ANK2: variants seen among roughly 807,000 people sequenced by gnomAD.
The protein encoded by ANK2 is ankyrin-2.
A neutral mutation model predicts 360.5 loss-of-function variants in ANK2; 83 were observed. That is an observed-to-expected ratio of 0.23 (90% CI 0.19 to 0.28). The LOEUF (loss-of-function observed/expected upper bound fraction) is 0.28, where lower values mean the gene tolerates loss of function less well. ANK2 is among the 10% of genes least tolerant of loss of function. The pLI is 1.00. For missense variants in ANK2, 4,201 were observed against 4,795.7 expected (o/e 0.88, Z 3.66); for synonymous variants, 1,740 against 1,759.5 (o/e 0.99, Z 0.28).
chr4:112,749,768 A>G, the ANK2 span, among the ~76,000 whole-genome samples: 5 of 151,836 alleles, frequency 3.3e-5, no homozygotes, highest in African/African-American at 1.2e-4. Context: ...TTGTTTTGAG[A>G]CAGAGTCTTG....
At chr4:112,710,564 G>T in the ANK2 span, among the ~76,000 whole-genome samples, 1 of 152,050 alleles carries the variant, frequency 6.6e-6, no homozygotes, top group African/African-American at 2.4e-5. Flanking sequence ...TGGGCTTGGT[G>T]GCGGGCGCCT....
the ANK2 span, among the ~76,000 whole-genome samples, chr4:112,810,740 C>T: frequency 6.6e-6 from 1 of 150,394 alleles, no homozygotes; most frequent in Admixed American, 6.6e-5. Flanking sequence ...TTAGTAGAGA[C>T]GAGGTTTCAC....
At chr4:112,830,537 A>G (rs2059475611) in intron 1 of ANK2, among the ~76,000 whole-genome samples, 1 of 152,224 alleles carries the variant, frequency 6.6e-6, no homozygotes, top group African/African-American at 2.4e-5. Flanking sequence ...GAAGATTGGT[A>G]CTTATCGGTT....
chr4:113,088,930 T>C (rs908561814), intron 1 of ANK2, among the ~76,000 whole-genome samples: 1 of 152,220 alleles, frequency 6.6e-6, no homozygotes, highest in Non-Finnish European at 1.5e-5. Flanking sequence ...TTTTGAGCCG[T>C]AGTTCTGCTC....
At chr4:113,143,586 G>C (rs1338432796) in intron 1 of ANK2, among the ~76,000 whole-genome samples, 1 of 152,188 alleles carries the variant, frequency 6.6e-6, no homozygotes, top group Non-Finnish European at 1.5e-5. Context: ...AATTCCAAAA[G>C]TGTGCGTGGG....
intron 1 of ANK2, among the ~76,000 whole-genome samples, chr4:113,106,321 G>C (rs17682179): frequency 0.17 from 25,403 of 152,132 alleles, 2,169 homozygotes; most frequent in African/African-American, 0.18. Context: ...AAAAAATTCA[G>C]ATGGGTTATT....
intron 2 of ANK2, among the ~76,000 whole-genome samples, chr4:113,193,414 A>G (rs1335656968): frequency 1.3e-5 from 2 of 152,176 alleles, no homozygotes; most frequent in African/African-American, 4.8e-5. Flanking sequence ...CCTTAATCCC[A>G]CCGCAGTGAA....
At chr4:113,132,397 A>G (rs2096102127) in intron 1 of ANK2, among the ~76,000 whole-genome samples, 1 of 152,210 alleles carries the variant, frequency 6.6e-6, no homozygotes, top group Admixed American at 6.5e-5. Flanking sequence ...CTTCAAATGT[A>G]CTTAAGGGAA....
chr4:112,848,716 A>G (rs2063922429), intron 1 of ANK2, among the ~76,000 whole-genome samples: 1 of 152,172 alleles, frequency 6.6e-6, no homozygotes, highest in African/African-American at 2.4e-5. Context: ...CCTTGAAGGT[A>G]GGAGTCTTGA....
rs1259743686 is a variant in ANK2 at position 113,205,195 on chromosome 4, C to G, written c.384+6086C>G. Among the ~76,000 whole-genome samples, 3 of 128,278 alleles carry G rather than the reference C, an allele frequency of 2.3e-5. No individual in the cohort carries two copies. The South Asian group carries it at 7.6e-4, about 33-fold the overall frequency. The allele number at this position is 128,278 out of a possible 152,430, so 84.2% of individuals were successfully genotyped here. A position where few individuals can be genotyped will look rare whatever the true frequency, so the allele number is the denominator to read the frequency against. On this transcript the variant is annotated intron_variant, in intron 4 of 45. Transcript: ENST00000357077. ...AGCTTGCAGTGAGCCGACATCACGC[C>G]ACTGCACTCCAGTCTGGGCGACAGA...
At chr4:113,182,917 T>A (rs1038127497) in intron 2 of ANK2, among the ~76,000 whole-genome samples, 3 of 152,310 alleles carry the variant, frequency 2.0e-5, no homozygotes, top group South Asian at 2.1e-4. Context: ...TAGCTTTGTT[T>A]TGTTGATGGA....
the ANK2 span, among the ~76,000 whole-genome samples, chr4:112,751,817 A>T: frequency 6.6e-6 from 1 of 152,060 alleles, no homozygotes; most frequent in African/African-American, 2.4e-5. Context: ...AGTGGGGGAA[A>T]ATTTTGGACC....
rs1449307923 is a variant in ANK2 at position 113,348,320 on chromosome 4, A to T, written c.4404+12A>T. 1 of 1,612,758 alleles carries T rather than the reference A, an allele frequency of 6.2e-7. No homozygotes were observed. Among genetic ancestry groups the T allele is most frequent in the East Asian group, 2.2e-5 (1 of 44,834 alleles). Reference sequence around the variant, plus strand: ...AACAGGAGGAAGAGGTAATTTTATGACAGTGTCACTTGTTATCGGCTGTGT... The same window carrying T: ...AACAGGAGGAAGAGGTAATTTTATGTCAGTGTCACTTGTTATCGGCTGTGT... On this transcript the variant is annotated intron_variant, in intron 36 of 45. Coordinates refer to ENST00000357077, the MANE Select transcript of ANK2 (RefSeq NM_001148.6).
At chr4:113,292,350 G>C in intron 20 of ANK2, 66 bp from the exon 21 acceptor site, 1 of 1,373,990 alleles carries the variant, frequency 7.3e-7, no homozygotes, top group Non-Finnish European at 1.0e-6. Flanking sequence ...TCAAAATGAA[G>C]GCTAACCTAA....
At chr4:112,762,851 T>C in the ANK2 span, among the ~76,000 whole-genome samples, 3 of 152,354 alleles carry the variant, frequency 2.0e-5, no homozygotes, top group South Asian at 4.1e-4. Context: ...GTATTTTGTT[T>C]TTAATACTTA....
chr4:113,312,976 A>G (rs191198461), intron 24 of ANK2, among the ~76,000 whole-genome samples: 1 of 152,304 alleles, frequency 6.6e-6, no homozygotes, highest in East Asian at 1.9e-4. Context: ...TTCAGAAATA[A>G]AAAATTTGAG....
intron 2 of ANK2, among the ~76,000 whole-genome samples, chr4:113,012,340 C>A (rs993612896): frequency 6.6e-6 from 1 of 152,136 alleles, no homozygotes; most frequent in Non-Finnish European, 1.5e-5. Context: ...ATCTGACCTT[C>A]CCGATTAAAA....
intron 1 of ANK2, among the ~76,000 whole-genome samples, chr4:112,819,986 C>T (rs2056538303): frequency 6.6e-6 from 1 of 152,240 alleles, no homozygotes; most frequent in Non-Finnish European, 1.5e-5. Flanking sequence ...CGATGCTCAT[C>T]CTTGGGCACA....
intron 2 of ANK2, among the ~76,000 whole-genome samples, chr4:113,011,118 A>G (rs997856021): frequency 3.4e-5 from 5 of 147,382 alleles, no homozygotes; most frequent in African/African-American, 9.9e-5. Flanking sequence ...TTTAAAGATA[A>G]TAGTAAGGGG....
Sources: gnomAD v4.1 joint callset for allele counts (sites outside exome capture counted in the v4.1 genomes callset) on GRCh38, gnomAD v4.1.1 for gene constraint, MANE v1.5 for transcripts, NCBI Gene and HGNC (gene_info 2026-07-23, HGNC 2026-07-21) for gene names.